The following CNPY3 variants were observed in gnomAD, a reference collection of about 807,000 sequenced individuals.
CNPY3 encodes canopy FGF signaling regulator 3.
CNPY3 carries 20 observed loss-of-function variants against 32.0 expected under a neutral mutation model. The ratio of observed to expected loss-of-function variants is 0.63; its 90% CI spans 0.44 to 0.91. The LOEUF is 0.91. Ranked by LOEUF, CNPY3 falls within the 40% of genes least tolerant of loss-of-function variation. The pLI, the probability that CNPY3 is intolerant of heterozygous loss-of-function variation, is 0.00. For synonymous variants in CNPY3, 138 were observed against 142.9 expected, an observed-to-expected ratio of 0.97 and a Z score of 0.24; for missense variants, 299 against 340.8, an observed-to-expected ratio of 0.88 and a Z score of 0.97.
Position 42,938,980 on chromosome 6 carries a change from T to A in CNPY3, c.*189T>A. ...CCGTCATGGGTAGCCCACGCCGTCC[T>A]TTCCCCTCCCCAAGTGTTTCTCTCC... On this transcript the variant is annotated 3_prime_UTR_variant, in exon 6 of 6. Transcript: ENST00000372836. The A allele has an allele frequency of 7.3e-7, 1 of 1,369,724 alleles. No homozygotes were observed. Among genetic ancestry groups the A allele is most frequent in the Non-Finnish European group, 9.4e-7 (1 of 1,059,894 alleles). The allele number at this position is 1,369,724 out of a possible 1,614,324, so 84.8% of individuals were successfully genotyped here. A position where few individuals can be genotyped will look rare whatever the true frequency, so the allele number is the denominator to read the frequency against.
At position 42,929,722 on chromosome 6, in the gene CNPY3, G is replaced by C; in HGVS notation, c.151+1G>C. 1 of 1,544,590 alleles carries C rather than the reference G, an allele frequency of 6.5e-7. No individual in the cohort carries two copies. The highest frequency in any genetic ancestry group is 2.0e-5 in the Admixed American group (1 of 50,748). On this transcript the variant is annotated splice_donor_variant, in intron 1 of 5. Coordinates refer to ENST00000372836, the MANE Select transcript of CNPY3 (RefSeq NM_006586.5). LOFTEE classifies it high-confidence loss of function. ...GTTCGCCTGCCCAGCAAATGCGAAG[G>C]TGAGGAGGCGGGGCCCGTGGGGCGT...
upstream of CNPY3, among the ~76,000 whole-genome samples, chr6:42,928,588 A>G (rs1197026818): frequency 2.0e-5 from 3 of 152,152 alleles, no homozygotes; most frequent in Admixed American, 6.5e-5. Context: ...GTTCCCCTTA[A>G]TGACACAGCA....
intron 1 of CNPY3, 40 bp downstream of exon 1, chr6:42,929,761 G>T (rs768337053): frequency 6.6e-7 from 1 of 1,525,086 alleles, no homozygotes; most frequent in Non-Finnish European, 8.8e-7. Flanking sequence ...CTGCCGGAGG[G>T]GCTGGCTCCA....
intron 1 of CNPY3, among the ~76,000 whole-genome samples, chr6:42,933,620 C>T (rs1767992551): frequency 6.6e-6 from 1 of 152,052 alleles, no homozygotes; most frequent in Non-Finnish European, 1.5e-5. Flanking sequence ...GTTAATTTTC[C>T]AAGTATCATA....
chr6:42,930,040 T>C (rs1360343935), intron 1 of CNPY3, among the ~76,000 whole-genome samples: 4 of 151,818 alleles, frequency 2.6e-5, no homozygotes, highest in Non-Finnish European at 5.9e-5. Flanking sequence ...GCGAAGGCTG[T>C]GTGCAGAGGG....
chr6:42,934,460 A>C lies in CNPY3; in HGVS notation c.152-15A>C. On this transcript the variant is annotated splice_polypyrimidine_tract_variant and intron_variant, in intron 1 of 5. Coordinates refer to ENST00000372836, the MANE Select transcript of CNPY3 (RefSeq NM_006586.5). ...TCATGTGCACTCAGTGGGCTGTGCT[A>C]CCTCCCTCCCCCAGTGTGTAAATAT... 1.2e-6 allele frequency: 2 copies of C among 1,613,388 alleles called. No individual in the cohort carries two copies. Among genetic ancestry groups the C allele is most frequent in the Middle Eastern group, 1.7e-4 (1 of 6,054 alleles).
At position 42,929,704 on chromosome 6, in the gene CNPY3, T is replaced by C; in HGVS notation, c.134T>C (p.Leu45Pro). ...GCTGAGGAGAACGACTGGGTTCGCCTGCCCAGCAAATGCGAAGGTGAGGAG... is the reference window on the plus strand; with the variant it reads ...GCTGAGGAGAACGACTGGGTTCGCCCGCCCAGCAAATGCGAAGGTGAGGAG... ...AGAEENDWVR[L>P]PSKCEVCKYV... The change falls in exon 1 of 6, where the codon CTG becomes CCG. Residue 45 changes from leucine to proline, a missense_variant. Physicochemically the swap from Leu to Pro is moderately conservative, Grantham distance 98. Around this residue, in one of 2 missense-constraint regions of CNPY3, gnomAD observed 88 missense variants for 62.5 expected, o/e 1.41. Transcript: ENST00000372836. 2 of 1,547,948 alleles carry C rather than the reference T, an allele frequency of 1.3e-6. No individual in the cohort carries two copies. Among genetic ancestry groups the C allele is most frequent in the East Asian group, 2.4e-5 (1 of 40,902 alleles).
intron 1 of CNPY3, among the ~76,000 whole-genome samples, chr6:42,930,861 T>C (rs976349793): frequency 3.9e-5 from 6 of 152,024 alleles, no homozygotes; most frequent in African/African-American, 1.4e-4. Context: ...AGTTCAAGCC[T>C]GTGCCTTCCC....
At chr6:42,934,403 C>G (rs1768062092) in intron 1 of CNPY3, 72 bp from the exon 2 acceptor site, 2 of 1,588,122 alleles carry the variant, frequency 1.3e-6, no homozygotes, top group East Asian at 4.5e-5. Flanking sequence ...CCACCTGGAT[C>G]TGTTTTGCTG....
At chr6:42,938,239 C>A in intron 5 of CNPY3, 32 bp downstream of exon 5, 1 of 1,538,044 alleles carries the variant, frequency 6.5e-7, no homozygotes, top group East Asian at 2.2e-5. Context: ...CAGGCTGGCT[C>A]TGGATGATTT....
At chr6:42,933,976 G>A (rs1265363445) in intron 1 of CNPY3, among the ~76,000 whole-genome samples, 1 of 152,142 alleles carries the variant, frequency 6.6e-6, no homozygotes, top group East Asian at 1.9e-4. Context: ...TTCAAGACCA[G>A]CCTACCCAAC....
intron 1 of CNPY3, among the ~76,000 whole-genome samples, chr6:42,931,793 G>A (rs529038932): frequency 8.6e-4 from 130 of 151,790 alleles, no homozygotes; most frequent in Admixed American, 1.4e-3. Flanking sequence ...GCACAACCTC[G>A]GCTCACTGCA....
chr6:42,931,849 G>A (rs1767849525), intron 1 of CNPY3, among the ~76,000 whole-genome samples: 1 of 151,850 alleles, frequency 6.6e-6, no homozygotes, highest in South Asian at 2.1e-4. Flanking sequence ...TCAACCTCCT[G>A]AATAGCTGGG....
At chr6:42,937,199 T>C (rs956909272) in intron 3 of CNPY3, among the ~76,000 whole-genome samples, 2 of 152,070 alleles carry the variant, frequency 1.3e-5, no homozygotes, top group South Asian at 2.1e-4. Flanking sequence ...CCAAAGGGCC[T>C]GAGGGCAGCC....
In CNPY3 at chr6:42,929,632, T is replaced by TGCTGCTGCTGCTGCC. The variant is rs1424162152; in HGVS notation, c.64_78dup (p.Leu22_Pro26dup). ...CTGCTTCTTCCCTTGCTGCTGCTGC[T>TGCTGCTGCTGCTGCC]GCTGCTGCTGCTGCCGGCCCCGGAG... On this transcript the variant is annotated inframe_insertion, in exon 1 of 6. Transcript: ENST00000372836. The TGCTGCTGCTGCTGCC allele has an allele frequency of 2.6e-6, 4 of 1,555,598 alleles. No homozygotes were observed. Among genetic ancestry groups the TGCTGCTGCTGCTGCC allele is most frequent in the Non-Finnish European group, 3.5e-6 (4 of 1,150,876 alleles).
At chr6:42,929,026 A>G (rs111890727), upstream of CNPY3, among the ~76,000 whole-genome samples, 576 of 152,222 alleles carry the variant, frequency 3.8e-3, 1 homozygote, top group Admixed American at 6.2e-3. Flanking sequence ...GTGCCCGGCT[A>G]TAACAACCAC....
intron 1 of CNPY3, among the ~76,000 whole-genome samples, chr6:42,931,368 G>A (rs867873521): frequency 2.2e-4 from 33 of 148,150 alleles, no homozygotes; most frequent in Non-Finnish European, 4.9e-4. Flanking sequence ...ATGAGCCACC[G>A]TGCCTGGCCT....
At chr6:42,934,014 A>G (rs1368450509) in intron 1 of CNPY3, among the ~76,000 whole-genome samples, 2 of 152,152 alleles carry the variant, frequency 1.3e-5, no homozygotes, top group Middle Eastern at 6.3e-3. Flanking sequence ...TACTAAAAAT[A>G]CAGAATTAGC....
At position 42,929,523 on chromosome 6, in the gene CNPY3, C is replaced by A; in HGVS notation, c.-48C>A. 1 of 1,505,758 alleles carries A rather than the reference C, an allele frequency of 6.6e-7. No homozygotes were observed. Among genetic ancestry groups the A allele is most frequent in the Non-Finnish European group, 8.9e-7 (1 of 1,124,146 alleles). 93.3% of individuals were successfully genotyped at this position (1,505,758 alleles called of 1,614,324 possible). A position where few individuals can be genotyped will look rare whatever the true frequency, so the allele number is the denominator to read the frequency against. On this transcript the variant is annotated 5_prime_UTR_variant, in exon 1 of 6. Coordinates refer to ENST00000372836, the MANE Select transcript of CNPY3 (RefSeq NM_006586.5). ...AGGGGAAACTGCTCCGCGCGCGCCG[C>A]GGGAGGAGGAACCGCCCGGTCCTTT...
Sources: gnomAD v4.1 joint callset for allele counts (sites outside exome capture counted in the v4.1 genomes callset) on GRCh38, gnomAD v4.1.1 for gene constraint, gnomAD v4.1.1 regional missense constraint, MANE v1.5 for transcripts, NCBI Gene and HGNC (gene_info 2026-07-23, HGNC 2026-07-21) for gene names.